CTNND2: variants seen among roughly 807,000 people sequenced by gnomAD.
The protein encoded by CTNND2 is catenin delta-2.
A neutral mutation model predicts 144.4 loss-of-function variants in CTNND2; 22 were observed. The observed-to-expected ratio is 0.15, with a 90% CI of 0.11 to 0.22. CTNND2 has a LOEUF of 0.22. CTNND2 is among the 10% of genes least tolerant of loss of function. CTNND2 has a pLI of 1.00. For missense variants in CTNND2, 1,353 were observed against 1,618.8 expected (o/e 0.84, Z 2.82); for synonymous variants, 751 against 695.6 (o/e 1.08, Z -1.25).
At chr5:11,631,180 T>C (rs1213181698) in intron 2 of CTNND2, among the ~76,000 whole-genome samples, 1 of 152,196 alleles carries the variant, frequency 6.6e-6, no homozygotes, top group Non-Finnish European at 1.5e-5. Flanking sequence ...TATGTTATTC[T>C]AGACATTTTA....
intron 9 of CTNND2, among the ~76,000 whole-genome samples, chr5:11,296,384 G>A (rs1459741894): frequency 5.3e-5 from 8 of 152,140 alleles, no homozygotes; most frequent in Non-Finnish European, 1.2e-4. Context: ...CACTGTTGGT[G>A]GGACTGTAAA....
At chr5:11,099,528 G>C (rs1428302200) in intron 14 of CTNND2, among the ~76,000 whole-genome samples, 1 of 152,144 alleles carries the variant, frequency 6.6e-6, no homozygotes, top group Non-Finnish European at 1.5e-5. Flanking sequence ...AACAATAAAA[G>C]TTAAATGAGC....
chr5:11,700,208 G>A (rs976965353), intron 2 of CTNND2, among the ~76,000 whole-genome samples: 4 of 152,054 alleles, frequency 2.6e-5, no homozygotes, highest in African/African-American at 9.7e-5. Context: ...GGCCAACATC[G>A]TGAAACCCCC....
At chr5:11,662,098 C>T (rs1783243233) in intron 2 of CTNND2, among the ~76,000 whole-genome samples, 1 of 147,392 alleles carries the variant, frequency 6.8e-6, no homozygotes, top group Non-Finnish European at 1.5e-5. Flanking sequence ...TACATATATA[C>T]ACATATTTAT....
intron 2 of CTNND2, among the ~76,000 whole-genome samples, chr5:11,581,220 T>C (rs936412321): frequency 2.6e-5 from 4 of 152,192 alleles, no homozygotes; most frequent in Non-Finnish European, 5.9e-5. Context: ...ACTTTGAACC[T>C]GCAGACAAGG....
rs182538627 is a variant in CTNND2, at chr5:11,612,967, C to A, written c.175-47911G>T. ...TTCATCATTCTCCAGGAGTAATTAA[C>A]AATAGCTTAAATTAATTTCCATAAT... On this transcript the variant is annotated intron_variant, in intron 2 of 21. Transcript: ENST00000304623. Among the ~76,000 whole-genome samples, 4 of 152,120 alleles carry A rather than the reference C, an allele frequency of 2.6e-5. No individual in the cohort carries two copies. The East Asian group carries it at 5.8e-4, about 22-fold the overall frequency.
chr5:11,337,133 A>G (rs374082191), intron 9 of CTNND2, among the ~76,000 whole-genome samples: 12 of 152,242 alleles, frequency 7.9e-5, no homozygotes, highest in African/African-American at 2.6e-4. Context: ...TTCCTTCGAA[A>G]CCACTTCCCA....
intron 3 of CTNND2, among the ~76,000 whole-genome samples, chr5:11,471,448 A>G (rs1242983686): frequency 6.6e-6 from 1 of 152,220 alleles, no homozygotes; most frequent in East Asian, 1.9e-4. Context: ...TCAAGGACTG[A>G]TTATACTCAG....
intron 15 of CTNND2, among the ~76,000 whole-genome samples, chr5:11,089,742 G>T (rs1750565601): frequency 6.6e-6 from 1 of 152,232 alleles, no homozygotes; most frequent in South Asian, 2.1e-4. Context: ...GGGCACAGTG[G>T]CTCACGCCTG....
intron 9 of CTNND2, among the ~76,000 whole-genome samples, chr5:11,258,915 T>C (rs1024175178): frequency 2.0e-5 from 3 of 152,224 alleles, no homozygotes; most frequent in African/African-American, 7.2e-5. Flanking sequence ...TTATGTCTCC[T>C]TCCTATTCTT....
At chr5:11,597,801 G>A (rs1489879546) in intron 2 of CTNND2, among the ~76,000 whole-genome samples, 1 of 152,030 alleles carries the variant, frequency 6.6e-6, no homozygotes, top group Non-Finnish European at 1.5e-5. Context: ...TCAAACACCT[G>A]GGCTCAAGTG....
chr5:11,514,886 T>A (rs1331978178), intron 3 of CTNND2, among the ~76,000 whole-genome samples: 1 of 152,174 alleles, frequency 6.6e-6, no homozygotes, highest in African/African-American at 2.4e-5. Context: ...CACTGCAACT[T>A]CCAGCTCCCA....
In CTNND2 at chr5:11,070,953, G is replaced by C. The variant is rs367926009; in HGVS notation, c.2788+11743C>G. Among the ~76,000 whole-genome samples the C allele has an allele frequency of 4.4e-4, 67 of 151,868 alleles. 2 individuals carry two copies. The South Asian group carries it at 0.013, about 29-fold the overall frequency. ...GTGTGTATATGGAGAGGGAAGAGGA[G>C]GAGTGCGTAGGGGAGGGGAGGGAGG... On this transcript the variant is annotated intron_variant, in intron 16 of 21. Transcript: ENST00000304623.
At chr5:11,625,113 A>G (rs1374598473) in intron 2 of CTNND2, among the ~76,000 whole-genome samples, 1 of 152,126 alleles carries the variant, frequency 6.6e-6, no homozygotes, top group Non-Finnish European at 1.5e-5. Flanking sequence ...ATAGCAGATA[A>G]AAGTATTTAA....
At chr5:11,269,662 T>A (rs1019570873) in intron 9 of CTNND2, among the ~76,000 whole-genome samples, 1 of 152,194 alleles carries the variant, frequency 6.6e-6, no homozygotes, top group Non-Finnish European at 1.5e-5. Context: ...TCACAATAGA[T>A]GGTTGGCATA....
intron 17 of CTNND2, 25 bp downstream of exon 17, chr5:11,022,744 G>A (rs748288209): frequency 2.1e-5 from 33 of 1,593,474 alleles, no homozygotes; most frequent in Non-Finnish European, 2.8e-5. Context: ...CCAGGACAGA[G>A]ATATGGCGTC....
intron 11 of CTNND2, among the ~76,000 whole-genome samples, chr5:11,185,667 C>T (rs1183451822): frequency 6.6e-6 from 1 of 152,162 alleles, no homozygotes; most frequent in East Asian, 1.9e-4. Flanking sequence ...AGCTTCTCCT[C>T]CTCTAGGCTG....
intron 18 of CTNND2, among the ~76,000 whole-genome samples, chr5:10,995,872 C>G (rs1739285066): frequency 6.6e-6 from 1 of 151,978 alleles, no homozygotes; most frequent in African/African-American, 2.4e-5. Flanking sequence ...GATATTCACT[C>G]TTGATTTTTT....
At chr5:11,561,323 T>C (rs2150101469) in intron 3 of CTNND2, among the ~76,000 whole-genome samples, 1 of 152,298 alleles carries the variant, frequency 6.6e-6, no homozygotes, top group South Asian at 2.1e-4. Context: ...AGATGAAGAA[T>C]CCAACAGCTT....
Sources: allele counts gnomAD v4.1 joint callset (sites outside exome capture counted in the v4.1 genomes callset), GRCh38; gene constraint gnomAD v4.1.1; transcripts MANE v1.5; gene names NCBI Gene and HGNC (gene_info 2026-07-23, HGNC 2026-07-21).